The following COL25A1 variants were observed in gnomAD, a reference collection of about 807,000 sequenced individuals.
COL25A1 encodes the protein collagen alpha-1(XXV) chain.
A neutral mutation model predicts 128.4 loss-of-function variants in COL25A1; 103 were observed. That is an observed-to-expected ratio of 0.80 (90% CI 0.68 to 0.94). The LOEUF (loss-of-function observed/expected upper bound fraction) is 0.94. COL25A1 is among the 40% of genes least tolerant of loss of function. The pLI is 0.00. For synonymous variants in COL25A1, 279 were observed against 277.2 expected (o/e 1.01, Z -0.06); for missense variants, 745 against 840.0 (o/e 0.89, Z 1.40).
Position 109,293,012 on chromosome 4 carries a change from T to A in COL25A1, c.367+7571A>T, listed in dbSNP as rs147361910. ...TTTCATCTTATGATCATATCATATA[T>A]TATCTTAAAATGCCAGCTGGAATCT... On this transcript the variant is annotated intron_variant, in intron 3 of 37. Transcript: ENST00000399132. Among the ~76,000 whole-genome samples the A allele has an allele frequency of 1.5e-3, 230 of 152,168 alleles. 2 individuals are homozygous for A. The South Asian group carries it at 0.025, about 17-fold the overall frequency.
chr4:108,951,271 C>T (rs1397159876), intron 8 of COL25A1, among the ~76,000 whole-genome samples: 2 of 152,108 alleles, frequency 1.3e-5, no homozygotes, highest in Non-Finnish European at 2.9e-5. Context: ...GAAGACAATT[C>T]TGACAAAAGT....
intron 3 of COL25A1, among the ~76,000 whole-genome samples, chr4:109,083,460 T>TAA (rs1764049093): frequency 8.2e-6 from 1 of 121,626 alleles, no homozygotes; most frequent in African/African-American, 3.1e-5. Flanking sequence ...TTTTTTTTTT[T>TAA]TTTTTTTTTT....
At chr4:108,893,768 A>C (rs773818846) in intron 16 of COL25A1, among the ~76,000 whole-genome samples, 2 of 152,198 alleles carry the variant, frequency 1.3e-5, no homozygotes, top group Admixed American at 6.5e-5. Context: ...CACAAAGGCC[A>C]TAAGAAGAGT....
intron 3 of COL25A1, among the ~76,000 whole-genome samples, chr4:109,111,805 G>A (rs1387175683): frequency 6.6e-6 from 1 of 152,082 alleles, no homozygotes; most frequent in Admixed American, 6.6e-5. Flanking sequence ...CTCTTCAAAG[G>A]AAGACTGTAG....
chr4:109,024,275 C>T (rs938004639), intron 5 of COL25A1, among the ~76,000 whole-genome samples: 7 of 152,062 alleles, frequency 4.6e-5, no homozygotes, highest in Non-Finnish European at 7.4e-5. Flanking sequence ...ATAACCCCAT[C>T]ATAAATTAAG....
chr4:108,834,371 C>T, intron 31 of COL25A1: 1 of 1,550,534 alleles, frequency 6.4e-7, no homozygotes, highest in Non-Finnish European at 8.7e-7. Context: ...TCCTGGCTTT[C>T]CGTCTAAGCC....
chr4:109,189,359 C>A (rs1015667039), intron 3 of COL25A1, among the ~76,000 whole-genome samples: 12 of 151,762 alleles, frequency 7.9e-5, no homozygotes, highest in Non-Finnish European at 1.8e-4. Context: ...ACCAGCCTGG[C>A]CAACATGGTG....
intron 8 of COL25A1, among the ~76,000 whole-genome samples, chr4:108,954,831 T>C (rs1749874259): frequency 1.3e-5 from 2 of 152,070 alleles, no homozygotes; most frequent in South Asian, 4.1e-4. Flanking sequence ...GGAATGACAA[T>C]GCTCTGGGTT....
At position 108,901,081 on chromosome 4, in the gene COL25A1, T is replaced by C. The variant is rs1281682648; in HGVS notation, c.834+38A>G. ...TAGCTTACAATTTCCTGACAATTCG[T>C]GTGTCAAATGATTCTGCTTGGCTTT... On this transcript the variant is annotated intron_variant, in intron 14 of 37. Coordinates refer to ENST00000399132, the MANE Select transcript of COL25A1 (RefSeq NM_198721.4). The C allele has an allele frequency of 2.0e-6, 3 of 1,473,916 alleles. No homozygotes were observed. In the Admixed American group the frequency reaches 5.2e-5, roughly 25 times the overall value. 91.3% of individuals were successfully genotyped at this position (1,473,916 alleles called of 1,614,324 possible).
chr4:108,980,130 AT>A (rs1752827944), intron 6 of COL25A1, among the ~76,000 whole-genome samples: 1 of 152,242 alleles, frequency 6.6e-6, no homozygotes, highest in African/African-American at 2.4e-5. Flanking sequence ...TTTGAGCTGG[AT>A]TCTGTCATCA....
chr4:109,247,308 C>A (rs1250113670), intron 3 of COL25A1, among the ~76,000 whole-genome samples: 2 of 151,728 alleles, frequency 1.3e-5, no homozygotes, highest in Admixed American at 6.6e-5. Flanking sequence ...AGAGATCGAA[C>A]CACTGCACTC....
intron 16 of COL25A1, among the ~76,000 whole-genome samples, chr4:108,896,401 T>A (rs1301188667): frequency 6.6e-6 from 1 of 152,216 alleles, no homozygotes; most frequent in Non-Finnish European, 1.5e-5. Flanking sequence ...TTGAAAGCCA[T>A]ATTACTGAAA....
chr4:109,116,780 T>A lies in COL25A1; in HGVS notation c.368-66601A>T, dbSNP rs560681393. 2.0e-5 allele frequency among the ~76,000 whole-genome samples: 3 copies of A among 151,996 alleles called. No individual in the cohort carries two copies. The South Asian group carries it at 6.2e-4, about 31-fold the overall frequency. ...AAAGTATATAATATGCAAGGAGAGA[T>A]GATTAATGTAAGCAAAGAGACAGAA... is the stretch of plus-strand genomic sequence containing the variant. On this transcript the variant is annotated intron_variant, in intron 3 of 37. Coordinates refer to ENST00000399132, the MANE Select transcript of COL25A1 (RefSeq NM_198721.4).
chr4:108,825,303 A>T (rs2125715711), intron 33 of COL25A1, 81 bp from the exon 34 acceptor site: 1 of 1,024,234 alleles, frequency 9.8e-7, no homozygotes, highest in East Asian at 2.4e-5. Flanking sequence ...CTGTCTGAAC[A>T]TGCAACACTA....
intron 3 of COL25A1, among the ~76,000 whole-genome samples, chr4:109,251,182 C>G (rs1011585565): frequency 1.3e-5 from 2 of 152,116 alleles, no homozygotes; most frequent in Non-Finnish European, 2.9e-5. Flanking sequence ...CAAACATATT[C>G]ATAACAAAAT....
intron 5 of COL25A1, among the ~76,000 whole-genome samples, chr4:109,014,448 T>C (rs142373085): frequency 0.014 from 2,160 of 152,328 alleles, 33 homozygotes; most frequent in African/African-American, 0.047. Context: ...TTTAGTATAG[T>C]TGTGATATTT....
At chr4:108,984,117 A>G (rs554445476) in intron 6 of COL25A1, among the ~76,000 whole-genome samples, 3 of 152,320 alleles carry the variant, frequency 2.0e-5, no homozygotes, top group African/African-American at 7.2e-5. Context: ...CAGACTGTCC[A>G]CACAAAGGTT....
chr4:109,153,472 G>A (rs1410304216), intron 3 of COL25A1, among the ~76,000 whole-genome samples: 1 of 151,964 alleles, frequency 6.6e-6, no homozygotes, highest in Non-Finnish European at 1.5e-5. Flanking sequence ...GCACAGCTAG[G>A]TGCTAAACCA....
At chr4:109,212,515 C>T (rs1777655202) in intron 3 of COL25A1, among the ~76,000 whole-genome samples, 1 of 152,136 alleles carries the variant, frequency 6.6e-6, no homozygotes, top group Admixed American at 6.6e-5. Flanking sequence ...ACTTCTGCCA[C>T]ACTTTATTGG....
Sources: allele counts gnomAD v4.1 joint callset (sites outside exome capture counted in the v4.1 genomes callset), GRCh38; gene constraint gnomAD v4.1.1; transcripts MANE v1.5; gene names NCBI Gene and HGNC (gene_info 2026-07-23, HGNC 2026-07-21).